GALNT14: variants seen among roughly 807,000 people sequenced by gnomAD.
GALNT14 encodes UDP-GalNAc:polypeptide N-acetylgalactosaminyltransferase 14.
In GALNT14, 60 loss-of-function variants were observed where a neutral mutation model predicts 77.5. That is an observed-to-expected ratio of 0.77 (90% CI 0.63 to 0.96). The LOEUF is 0.96. Ranked by LOEUF, GALNT14 falls within the 40% of genes least tolerant of loss-of-function variation. The pLI is 0.00. For synonymous variants in GALNT14, 280 were observed against 281.7 expected (o/e 0.99, Z 0.06); for missense variants, 710 against 731.0 (o/e 0.97, Z 0.33).
chr2:30,897,640 G>C, the GALNT14 span, among the ~76,000 whole-genome samples: 1 of 152,202 alleles, frequency 6.6e-6, no homozygotes, highest in Non-Finnish European at 1.5e-5. Flanking sequence ...GTCTCCTGCC[G>C]TTTTCTTCGG....
At chr2:31,066,099 C>G (rs998769454) in intron 1 of GALNT14, among the ~76,000 whole-genome samples, 2 of 152,182 alleles carry the variant, frequency 1.3e-5, no homozygotes, top group Admixed American at 1.3e-4. Context: ...GCTGTAGGTG[C>G]CCAGAGGAGG....
intron 1 of GALNT14, chr2:31,079,020 G>A (rs1455387529): frequency 1.6e-6 from 2 of 1,287,250 alleles, no homozygotes; most frequent in Non-Finnish European, 1.0e-6. Context: ...ATTGCATTCA[G>A]AACGAAATGG....
chr2:30,912,899 G>C (rs1257320880), intron 13 of GALNT14, among the ~76,000 whole-genome samples: 1 of 152,190 alleles, frequency 6.6e-6, no homozygotes, highest in East Asian at 1.9e-4. Context: ...AATGAATAAA[G>C]AAGGGTCTAG....
intron 2 of GALNT14, 54 bp downstream of exon 2, chr2:30,992,771 CCAGATCAAGCCTG>C (rs1377683824): frequency 2.7e-5 from 42 of 1,534,736 alleles, no homozygotes; most frequent in Non-Finnish European, 3.5e-5. Flanking sequence ...ACAGCAGGCC[CCAGATCAAGCCTG>C]CTGTTGATCT....
At chr2:31,062,202 C>G (rs1477636056) in intron 1 of GALNT14, among the ~76,000 whole-genome samples, 1 of 152,158 alleles carries the variant, frequency 6.6e-6, no homozygotes, top group Non-Finnish European at 1.5e-5. Flanking sequence ...TCCTAATGCT[C>G]TCCCTCCCTT....
intron 1 of GALNT14, among the ~76,000 whole-genome samples, chr2:31,050,682 AG>A (rs1383740063): frequency 6.6e-6 from 1 of 152,150 alleles, no homozygotes; most frequent in Non-Finnish European, 1.5e-5. Flanking sequence ...TGACAACGTC[AG>A]GGGGAACTGG....
At chr2:30,918,573 G>T (rs1664828413) in intron 13 of GALNT14, among the ~76,000 whole-genome samples, 1 of 152,210 alleles carries the variant, frequency 6.6e-6, no homozygotes, top group South Asian at 2.1e-4. Context: ...AGGCAGGGAT[G>T]GAGCCATTCC....
At position 30,910,747 on chromosome 2, in the gene GALNT14, C is replaced by G. The variant is rs1572949505; in HGVS notation, c.*154G>C. ...GCTTGTGATGTTTTCCTCTGTCCTCCCTGAGACAGTTGCTCCTGTCCTGGG... is the reference window on the plus strand; with the variant it reads ...GCTTGTGATGTTTTCCTCTGTCCTCGCTGAGACAGTTGCTCCTGTCCTGGG... On this transcript the variant is annotated 3_prime_UTR_variant, in exon 15 of 15. Transcript: ENST00000349752. The G allele has an allele frequency of 7.0e-6, 5 of 718,680 alleles. No homozygotes were observed. In the South Asian group the frequency reaches 9.5e-5, roughly 14 times the overall value. The allele number at this position is 718,680 out of a possible 1,614,324, so 44.5% of individuals were successfully genotyped here. A position where few individuals can be genotyped will look rare whatever the true frequency, so the allele number is the denominator to read the frequency against.
chr2:30,960,578 A>G (rs180833379), intron 3 of GALNT14, among the ~76,000 whole-genome samples: 37 of 152,206 alleles, frequency 2.4e-4, no homozygotes, highest in African/African-American at 8.2e-4. Context: ...AATCAGAACA[A>G]TTGGAGCGAT....
chr2:30,904,218 C>T, the GALNT14 span, among the ~76,000 whole-genome samples: 7 of 152,134 alleles, frequency 4.6e-5, no homozygotes, highest in East Asian at 1.9e-4. Context: ...CCAAGATGGC[C>T]GAATAGGAAC....
intron 1 of GALNT14, among the ~76,000 whole-genome samples, chr2:31,103,474 G>A (rs141578466): frequency 1.9e-3 from 278 of 145,068 alleles, no homozygotes; most frequent in African/African-American, 6.9e-3. Flanking sequence ...TGGCAGCTGC[G>A]TATAGAGAAG....
At chr2:31,104,299 T>C (rs916292895) in intron 1 of GALNT14, among the ~76,000 whole-genome samples, 1 of 152,214 alleles carries the variant, frequency 6.6e-6, no homozygotes, top group Non-Finnish European at 1.5e-5. Context: ...ATCCTCTAGA[T>C]GGTGACATTT....
intron 6 of GALNT14, among the ~76,000 whole-genome samples, chr2:30,955,047 C>T (rs1357301584): frequency 6.6e-6 from 1 of 152,104 alleles, no homozygotes; most frequent in Non-Finnish European, 1.5e-5. Flanking sequence ...AATTAAATTT[C>T]CTTTCACTTT....
chr2:30,925,320 C>T (rs1665303620), intron 11 of GALNT14, among the ~76,000 whole-genome samples: 1 of 152,144 alleles, frequency 6.6e-6, no homozygotes, highest in African/African-American at 2.4e-5. Context: ...ATGTGTCAGG[C>T]ATTGTACCCA....
chr2:31,108,137 A>T (rs565934425), intron 1 of GALNT14, among the ~76,000 whole-genome samples: 1 of 152,302 alleles, frequency 6.6e-6, no homozygotes, highest in South Asian at 2.1e-4. Context: ...CTCCCCAGCC[A>T]GGCAGTGTAA....
At chr2:31,026,648 C>T (rs948226907) in intron 1 of GALNT14, among the ~76,000 whole-genome samples, 1 of 152,188 alleles carries the variant, frequency 6.6e-6, no homozygotes, top group Non-Finnish European at 1.5e-5. Flanking sequence ...GGGGTCTAGT[C>T]CTGCCTCTGC....
rs181910502 is a variant in GALNT14 at position 31,034,553 on chromosome 2, G to A, written c.130-41546C>T. ...ACTGACTTTTGATCTTTTTCTAGTT[G>A]TTTTGTTTTTTTTTGATTATCTGTT... On this transcript the variant is annotated intron_variant, in intron 1 of 14. Coordinates refer to ENST00000349752, the MANE Select transcript of GALNT14 (RefSeq NM_024572.4). 2.7e-5 allele frequency among the ~76,000 whole-genome samples: 4 copies of A among 149,212 alleles called. No homozygotes were observed. The East Asian group carries it at 8.1e-4, about 30-fold the overall frequency.
chr2:30,963,187 G>C (rs1167985922), intron 3 of GALNT14, among the ~76,000 whole-genome samples: 1 of 152,130 alleles, frequency 6.6e-6, no homozygotes, highest in Non-Finnish European at 1.5e-5. Flanking sequence ...AAAAGTACAG[G>C]GCTGATGGGC....
At chr2:30,891,274 C>G in the GALNT14 span, among the ~76,000 whole-genome samples, 1 of 152,134 alleles carries the variant, frequency 6.6e-6, no homozygotes, top group African/African-American at 2.4e-5. Context: ...GATGCACTGT[C>G]AGAAGAGATT....
Sources: allele counts gnomAD v4.1 joint callset (sites outside exome capture counted in the v4.1 genomes callset), GRCh38; gene constraint gnomAD v4.1.1; transcripts MANE v1.5; gene names NCBI Gene and HGNC (gene_info 2026-07-23, HGNC 2026-07-21).